STN1: variants seen among roughly 807,000 people sequenced by gnomAD.
The protein encoded by STN1 is CST complex subunit STN1.
A neutral mutation model predicts 45.5 loss-of-function variants in STN1; 29 were observed. The observed-to-expected ratio is 0.64, with a 90% confidence interval of 0.47 to 0.87. The LOEUF (loss-of-function observed/expected upper bound fraction) is 0.87. STN1 is among the 40% of genes least tolerant of loss of function. The pLI is 0.00. For synonymous variants in STN1, 148 were observed against 159.0 expected (o/e 0.93, Z 0.52); for missense variants, 376 against 441.4 (o/e 0.85, Z 1.33).
intron 9 of STN1, among the ~76,000 whole-genome samples, chr10:103,885,734 T>G (rs1843099041): frequency 6.6e-6 from 1 of 151,982 alleles, no homozygotes; most frequent in African/African-American, 2.4e-5. Context: ...ACAGTAAAAG[T>G]AGGAAAGGCC....
chr10:103,887,698 ACTGAGTGGCAGGGC>A (rs1466430134), intron 9 of STN1, among the ~76,000 whole-genome samples: 1 of 152,154 alleles, frequency 6.6e-6, no homozygotes, highest in Non-Finnish European at 1.5e-5. Flanking sequence ...CCATTCACAG[ACTGAGTGGCAGGGC>A]CTGTCCACTT....
intron 3 of STN1, among the ~76,000 whole-genome samples, chr10:103,909,531 C>CAT (rs149676388): frequency 0.088 from 6,114 of 69,230 alleles, 1,886 homozygotes; most frequent in African/African-American, 0.16. Context: ...TATATATGTA[C>CAT]ATATATATGT....
chr10:103,898,671 A>AG (rs1843187368), intron 6 of STN1, among the ~76,000 whole-genome samples: 9 of 152,306 alleles, frequency 5.9e-5, no homozygotes, highest in Middle Eastern at 3.4e-3. Context: ...TCCTCACGAC[A>AG]ACCCTAGGAC....
Position 103,900,083 on chromosome 10 carries a change from C to G in STN1, c.436G>C (p.Glu146Gln), listed in dbSNP as rs559375412. The G allele has an allele frequency of 2.5e-6, 4 of 1,614,118 alleles. No individual in the cohort carries two copies. In the South Asian group the frequency reaches 4.4e-5, roughly 18 times the overall value. Reference protein sequence around the residue: ...GSIRTYREEREIHATTYYKVD... With the variant: ...GSIRTYREERQIHATTYYKVD... ...TTACAGTAAGTGGTGGCATGAATCT[C>G]TCGCTCTTCTCTGTATGTGCGGATA... Residue 146 changes from glutamate (E) to glutamine (Q), a missense_variant, in exon 5 of 10, where the codon GAG (glutamate) becomes CAG (glutamine). By Grantham distance (29) the Glu-to-Gln change is conservative. Transcript: ENST00000224950.
intron 7 of STN1, among the ~76,000 whole-genome samples, chr10:103,894,628 T>C (rs916284770): frequency 6.6e-6 from 1 of 151,900 alleles, no homozygotes; most frequent in Non-Finnish European, 1.5e-5. Flanking sequence ...TGTGTCTTTC[T>C]TGTCTTTTTC....
At chr10:103,909,448 ATATG>A (rs1564635060) in intron 3 of STN1, among the ~76,000 whole-genome samples, 2 of 59,672 alleles carry the variant, frequency 3.4e-5, no homozygotes, top group South Asian at 6.4e-4. Flanking sequence ...ATATATGTAT[ATATG>A]TATATATGTA....
chr10:103,914,378 T>A (rs1157492706), intron 2 of STN1, among the ~76,000 whole-genome samples: 13 of 132,422 alleles, frequency 9.8e-5, no homozygotes, highest in African/African-American at 3.2e-4. Context: ...ATATATATTT[T>A]TTTTTTTTTT....
intron 2 of STN1, among the ~76,000 whole-genome samples, chr10:103,916,549 C>T (rs1843332581): frequency 6.6e-6 from 1 of 152,220 alleles, no homozygotes. Context: ...CTCATTAAAA[C>T]TGTGGATGCT....
Position 103,897,594 on chromosome 10 carries a change from A to G in STN1, c.707T>C (p.Leu236Pro). The stretch of plus-strand genomic sequence containing the variant: ...AATCACAGGCTGATTGGCAAGGGAC[A>G]GCAAAGACTCCACCATTTCCAGCTC... ...QQELEMVESL[L>P]SLANQPVIHS... The change falls in exon 7 of 10, where the codon CTG (leucine) becomes CCG (proline). Residue 236 changes from leucine (L) to proline (P), a missense_variant. Physicochemically the swap from Leu to Pro is moderately conservative, Grantham distance 98 (BLOSUM62 -3). Coordinates refer to ENST00000224950, the MANE Select transcript of STN1 (RefSeq NM_024928.5). The G allele has an allele frequency of 6.2e-7, 1 of 1,614,202 alleles. No individual in the cohort carries two copies. Among genetic ancestry groups the G allele is most frequent in the Non-Finnish European group, 8.5e-7 (1 of 1,180,018 alleles).
At chr10:103,908,449 C>T (rs182880420) in intron 3 of STN1, among the ~76,000 whole-genome samples, 2 of 152,132 alleles carry the variant, frequency 1.3e-5, no homozygotes, top group Non-Finnish European at 2.9e-5. Flanking sequence ...TGAGTCAGTG[C>T]GAGCAGGAAG....
chr10:103,901,018 A>C (rs1339840214), intron 4 of STN1, among the ~76,000 whole-genome samples: 4 of 152,148 alleles, frequency 2.6e-5, no homozygotes, highest in South Asian at 2.1e-4. Context: ...AGTCACAGAG[A>C]GGTCAAGCAA....
intron 2 of STN1, among the ~76,000 whole-genome samples, chr10:103,913,655 A>G (rs910400334): frequency 2.6e-5 from 4 of 152,230 alleles, no homozygotes; most frequent in East Asian, 1.9e-4. Context: ...GGCTGAAGAC[A>G]TGGAAAAAAG....
Position 103,905,176 on chromosome 10 carries a change from G to A in STN1, c.230-20C>T, listed in dbSNP as rs1465148851. The A allele has an allele frequency of 8.1e-6, 13 of 1,610,654 alleles. No individual in the cohort carries two copies. In the African/African-American group the frequency reaches 1.3e-4, roughly 17 times the overall value. On this transcript the variant is annotated intron_variant, in intron 3 of 9. Transcript: ENST00000224950. Reference sequence around the variant, plus strand: ...CATCCACTGCAAGAGAAAAGCAAAAGGGTATAAGAGAGATTTGGGCAAGGC... The same window carrying A: ...CATCCACTGCAAGAGAAAAGCAAAAAGGTATAAGAGAGATTTGGGCAAGGC...
chr10:103,909,392 ATATATGTATATATATGTATATATG>A (rs1843267540), intron 3 of STN1, among the ~76,000 whole-genome samples: 1 of 72,044 alleles, frequency 1.4e-5, no homozygotes, highest in South Asian at 4.2e-4. Flanking sequence ...ATATATATGT[ATATATGTATATATATGTATATATG>A]TATATATGTA....
In STN1 at chr10:103,908,569, G is replaced by A. The variant is rs575609393; in HGVS notation, c.229+1958C>T. 1.1e-3 allele frequency among the ~76,000 whole-genome samples: 171 copies of A among 152,196 alleles called. 1 individual carries two copies. Among genetic ancestry groups the A allele is most frequent in the Non-Finnish European group, 5.6e-4 (38 of 68,038 alleles). On this transcript the variant is annotated intron_variant, in intron 3 of 9. Coordinates refer to ENST00000224950, the MANE Select transcript of STN1 (RefSeq NM_024928.5). ...CCATATTGTGCCTGAGGACAGCAAG[G>A]AGAGGGGCAGTTCTCCACAAGAATT... is the stretch of plus-strand genomic sequence containing the variant.
intron 7 of STN1, among the ~76,000 whole-genome samples, chr10:103,896,837 C>T (rs892276482): frequency 6.6e-6 from 1 of 151,864 alleles, no homozygotes; most frequent in Non-Finnish European, 1.5e-5. Context: ...CGCCTGGCCC[C>T]TCGTTACTTA....
chr10:103,880,409 G>C lies in STN1; in HGVS notation c.*2275C>G, dbSNP rs1386059951. Among the ~76,000 whole-genome samples, 1 of 152,228 alleles carries C rather than the reference G, an allele frequency of 6.6e-6. No individual in the cohort carries two copies. Among genetic ancestry groups the C allele is most frequent in the East Asian group, 1.9e-4 (1 of 5,190 alleles). ...CACTCTGCGTGGTGGGTTTCATCCA[G>C]GACCAGCAATCTGGTCTTTTAGCCT... On this transcript the variant is annotated 3_prime_UTR_variant, in exon 10 of 10. Transcript: ENST00000224950.
chr10:103,882,819 G>T lies in STN1; in HGVS notation c.972C>A (p.Phe324Leu), dbSNP rs767610473. The T allele has an allele frequency of 6.2e-7, 1 of 1,613,322 alleles. No individual in the cohort carries two copies. Among genetic ancestry groups the T allele is most frequent in the Non-Finnish European group, 8.5e-7 (1 of 1,179,534 alleles). Residue 324 changes from phenylalanine (F) to leucine (L), a missense_variant, in exon 10 of 10, where the codon TTC becomes TTA. Phe to Leu is a conservative substitution (Grantham distance 22, BLOSUM62 0). Transcript: ENST00000224950. ...GGCGAGCACAGGCCAAGATGTGCAGGAAGTGACAGCCCTTCTCCATGTCTG... is the reference window on the plus strand; with the variant it reads ...GGCGAGCACAGGCCAAGATGTGCAGTAAGTGACAGCCCTTCTCCATGTCTG... The part of the protein sequence containing the change: ...KPNHMEKGCH[F>L]LHILACARLS...
At chr10:103,891,113 C>T (rs1457000730) in intron 8 of STN1, among the ~76,000 whole-genome samples, 1 of 152,212 alleles carries the variant, frequency 6.6e-6, no homozygotes, top group African/African-American at 2.4e-5. Context: ...CCCTCTGCTC[C>T]AGCAGCTCTT....
Sources: gnomAD v4.1 joint callset for allele counts (sites outside exome capture counted in the v4.1 genomes callset) on GRCh38, gnomAD v4.1.1 for gene constraint, MANE v1.5 for transcripts, NCBI Gene and HGNC (gene_info 2026-07-23, HGNC 2026-07-21) for gene names.